The following GLIS1 variants were observed in gnomAD, a reference collection of about 807,000 sequenced individuals.
GLIS1 encodes the protein zinc finger protein GLIS1.
A neutral mutation model predicts 63.8 loss-of-function variants in GLIS1; 24 were observed. The observed-to-expected ratio is 0.38, with a 90% CI of 0.27 to 0.53. The LOEUF is 0.53. Ranked by LOEUF, GLIS1 falls within the 20% of genes least tolerant of loss-of-function variation. The pLI is 0.85. For missense variants in GLIS1, 1,036 were observed against 1,074.1 expected (o/e 0.96, Z 0.50); for synonymous variants, 450 against 482.5 (o/e 0.93, Z 0.88).
At chr1:53,651,341 T>C (rs1645905071) in intron 2 of GLIS1, among the ~76,000 whole-genome samples, 1 of 152,200 alleles carries the variant, frequency 6.6e-6, no homozygotes, top group Admixed American at 6.5e-5. Context: ...CTTGCTATTT[T>C]TTCCAAACTG....
intron 2 of GLIS1, among the ~76,000 whole-genome samples, chr1:53,678,818 G>T (rs547448776): frequency 6.6e-6 from 1 of 152,300 alleles, no homozygotes; most frequent in South Asian, 2.1e-4. Context: ...CTCCTTAACT[G>T]GAAATGGAAA....
Position 53,506,314 on chromosome 1 carries a change from G to A in GLIS1, c.*305C>T. 1 of 370,580 alleles carries A rather than the reference G, an allele frequency of 2.7e-6. No homozygotes were observed. Among genetic ancestry groups the A allele is most frequent in the Non-Finnish European group, 4.9e-6 (1 of 205,408 alleles). 23.0% of individuals were successfully genotyped at this position (370,580 alleles called of 1,614,324 possible). A position where few individuals can be genotyped will look rare whatever the true frequency, so the allele number is the denominator to read the frequency against. On this transcript the variant is annotated 3_prime_UTR_variant, in exon 11 of 11. Transcript: ENST00000628545. ...GGCAGGGGAACGGAAAACAAGTTCT[G>A]CATATTTTATATACACGAGGTCTGT...
chr1:53,554,003 C>A (rs1644790738), intron 4 of GLIS1, among the ~76,000 whole-genome samples: 1 of 152,128 alleles, frequency 6.6e-6, no homozygotes, highest in Non-Finnish European at 1.5e-5. Flanking sequence ...TCAACAGCCT[C>A]CTGGGTGTCC....
intron 2 of GLIS1, among the ~76,000 whole-genome samples, chr1:53,650,409 GCGAAA>G (rs1230998051): frequency 6.6e-6 from 1 of 152,280 alleles, no homozygotes. Flanking sequence ...GGCCAACATG[GCGAAA>G]CCACGTCTCT....
intron 2 of GLIS1, among the ~76,000 whole-genome samples, chr1:53,687,695 T>C (rs972484107): frequency 2.6e-5 from 4 of 152,164 alleles, no homozygotes; most frequent in Non-Finnish European, 5.9e-5. Context: ...GGTCTTCCCA[T>C]AGCATCTAGC....
At chr1:53,537,136 CA>C (rs1004543421) in intron 4 of GLIS1, among the ~76,000 whole-genome samples, 1 of 152,224 alleles carries the variant, frequency 6.6e-6, no homozygotes, top group African/African-American at 2.4e-5. Context: ...AGGAGCCAGG[CA>C]GGGGGTGGCA....
intron 2 of GLIS1, among the ~76,000 whole-genome samples, chr1:53,612,285 G>A (rs2056695): frequency 0.56 from 85,236 of 151,646 alleles, 25,513 homozygotes; most frequent in Admixed American, 0.66. Context: ...TGTCACCCAA[G>A]CTGGAGTGCA....
At chr1:53,670,834 T>G (rs1411716149) in intron 2 of GLIS1, among the ~76,000 whole-genome samples, 1 of 152,242 alleles carries the variant, frequency 6.6e-6, no homozygotes, top group Non-Finnish European at 1.5e-5. Flanking sequence ...GCTTACTGGT[T>G]CTTTGTTAAA....
rs1415118333 is a variant in GLIS1 at position 53,526,464 on chromosome 1, G to T, written c.1483-1577C>A. Among the ~76,000 whole-genome samples the T allele has an allele frequency of 1.3e-5, 2 of 152,112 alleles. No individual in the cohort carries two copies. The highest frequency in any genetic ancestry group is 2.4e-5 in the African/African-American group (1 of 41,396). On this transcript the variant is annotated intron_variant, in intron 5 of 10. Transcript: ENST00000628545. The surrounding 1 kb of genome is among the most constrained non-coding windows in gnomAD (Gnocchi z 4.4). ...GGAGGGAGAGCGGAGGCCTGCCGCG[G>T]ATGGCCCCTGCTGCCCCCAGCCCAC...
At chr1:53,733,706 A>G (rs866812282) in intron 2 of GLIS1, among the ~76,000 whole-genome samples, 1 of 152,130 alleles carries the variant, frequency 6.6e-6, no homozygotes, top group Non-Finnish European at 1.5e-5. Flanking sequence ...ACCCACACAC[A>G]TACTTGTTTC....
At chr1:53,572,863 C>A (rs10493174) in intron 4 of GLIS1, among the ~76,000 whole-genome samples, 22,255 of 152,266 alleles carry the variant, frequency 0.15, 2,023 homozygotes, top group Non-Finnish European at 0.21. Context: ...GTGAAGGCTC[C>A]AATCCTAGCT....
Position 53,594,329 on chromosome 1 carries a change from C to A in GLIS1, c.1099G>T (p.Ala367Ser). ...ACCCAGCGGCACGCCTGCCGCCCGGCCACCACCCTGCCTGCCAGGCCCAGC... is the reference window on the plus strand; with the variant it reads ...ACCCAGCGGCACGCCTGCCGCCCGGACACCACCCTGCCTGCCAGGCCCAGC... Reference protein sequence around the residue: ...LGLGLAGRVVAGRQACRWVDC... With the variant: ...LGLGLAGRVVSGRQACRWVDC... Residue 367 changes from alanine to serine, a missense_variant, in exon 4 of 11, where the codon GCC (alanine) becomes TCC (serine). Ala to Ser is a moderately conservative substitution (Grantham distance 99). This residue lies in a region of GLIS1 where 592 missense variants were observed against 593.9 expected (regional missense o/e 1.00). Transcript: ENST00000628545. The A allele has an allele frequency of 6.2e-7, 1 of 1,611,734 alleles. No homozygotes were observed. Among genetic ancestry groups the A allele is most frequent in the Non-Finnish European group, 8.5e-7 (1 of 1,179,460 alleles).
chr1:53,738,941 C>T (rs539244337), intron 1 of GLIS1, among the ~76,000 whole-genome samples, 164 bp downstream of exon 1: 11 of 152,298 alleles, frequency 7.2e-5, no homozygotes, highest in South Asian at 6.2e-4. Context: ...CGCGACAGAG[C>T]CTCCCTCAGC....
At chr1:53,556,628 GTT>G (rs1491128297) in intron 4 of GLIS1, among the ~76,000 whole-genome samples, 3 of 148,060 alleles carry the variant, frequency 2.0e-5, no homozygotes, top group Non-Finnish European at 3.0e-5. Context: ...GCAGGTATGT[GTT>G]TGTGTATGCA....
chr1:53,697,902 C>G (rs1427508099), intron 2 of GLIS1, among the ~76,000 whole-genome samples: 2 of 152,140 alleles, frequency 1.3e-5, no homozygotes, highest in Non-Finnish European at 2.9e-5. Context: ...TGGTTCTAAC[C>G]GCTACAACGA....
chr1:53,519,529 G>A (rs1355950587), intron 7 of GLIS1, among the ~76,000 whole-genome samples: 1 of 152,228 alleles, frequency 6.6e-6, no homozygotes, highest in Non-Finnish European at 1.5e-5. Flanking sequence ...GTTTCTTTAG[G>A]GGAGTCGGGG....
rs1250555051 is a variant in GLIS1 at position 53,674,195 on chromosome 1, G to GA, written c.259+63610dup. Among the ~76,000 whole-genome samples the GA allele has an allele frequency of 1.3e-4, 19 of 145,898 alleles. No homozygotes were observed. The South Asian group carries it at 1.3e-3, about 10-fold the overall frequency. Reference sequence around the variant, plus strand: ...TCAAAAAAAAAAAAAAAAAAGAAAAGAAAAAAAAATCCATTAAGATGGGGG... The same window carrying GA: ...TCAAAAAAAAAAAAAAAAAAGAAAAGAAAAAAAAAATCCATTAAGATGGGGG... On this transcript the variant is annotated intron_variant, in intron 2 of 10. Coordinates refer to ENST00000628545, the MANE Select transcript of GLIS1 (RefSeq NM_001367484.1).
At chr1:53,543,800 G>C (rs1474306757) in intron 4 of GLIS1, among the ~76,000 whole-genome samples, 1 of 152,066 alleles carries the variant, frequency 6.6e-6, no homozygotes, top group African/African-American at 2.4e-5. Context: ...AGGGGTCTGA[G>C]AGGGAAGTGG....
chr1:53,632,732 ATG>A (rs1436179634), intron 2 of GLIS1, among the ~76,000 whole-genome samples: 1 of 128,516 alleles, frequency 7.8e-6, no homozygotes, highest in Non-Finnish European at 1.6e-5. Flanking sequence ...GGGCATGTAT[ATG>A]TGTGACCGAG....
Sources: allele counts gnomAD v4.1 joint callset (sites outside exome capture counted in the v4.1 genomes callset), GRCh38; gene constraint gnomAD v4.1.1; regional missense constraint gnomAD v4.1.1; non-coding constraint Gnocchi (gnomAD v3.1); transcripts MANE v1.5; gene names NCBI Gene and HGNC (gene_info 2026-07-23, HGNC 2026-07-21).